The following TMEM178B variants were observed in gnomAD, a reference collection of about 807,000 sequenced individuals.
TMEM178B encodes transmembrane protein 178B.
A neutral mutation model predicts 31.0 loss-of-function variants in TMEM178B; 5 were observed. The ratio of observed to expected loss-of-function variants is 0.16; its 90% CI spans 0.08 to 0.34. The LOEUF is 0.34. Among genes scored for constraint, TMEM178B ranks in the 10% least tolerant of loss-of-function variants. TMEM178B has a pLI of 1.00. For missense variants in TMEM178B, 275 were observed against 400.3 expected (o/e 0.69, Z 2.67); for synonymous variants, 164 against 164.0 (o/e 1.00, Z 0.00).
At chr7:141,216,423 CTGTG>C (rs575369422) in intron 2 of TMEM178B, among the ~76,000 whole-genome samples, 51 of 89,416 alleles carry the variant, frequency 5.7e-4, no homozygotes, top group Middle Eastern at 0.016. Flanking sequence ...AGGATGAAGC[CTGTG>C]TGTGTGTGTG....
intron 1 of TMEM178B, among the ~76,000 whole-genome samples, chr7:141,122,329 C>G (rs1456062316): frequency 6.6e-6 from 1 of 152,160 alleles, no homozygotes; most frequent in Non-Finnish European, 1.5e-5. Flanking sequence ...TAGGCCAGTT[C>G]TGTCTAATGC....
chr7:141,367,895 C>A (rs192668066), intron 2 of TMEM178B, among the ~76,000 whole-genome samples: 64 of 152,094 alleles, frequency 4.2e-4, no homozygotes, highest in Non-Finnish European at 8.5e-4. Context: ...TAGAGCAGGT[C>A]GACCTTGGAG....
At chr7:141,464,274 A>G (rs1802112550) in intron 3 of TMEM178B, among the ~76,000 whole-genome samples, 1 of 151,972 alleles carries the variant, frequency 6.6e-6, no homozygotes, top group African/African-American at 2.4e-5. Context: ...CCGACCTAGC[A>G]TTGTCATCTG....
intron 2 of TMEM178B, among the ~76,000 whole-genome samples, chr7:141,246,991 T>G (rs1797741504): frequency 2.6e-5 from 4 of 152,172 alleles, no homozygotes; most frequent in Admixed American, 1.3e-4. Flanking sequence ...GCAGCTAGAA[T>G]GTGAGCACCA....
chr7:141,153,185 C>A (rs1438216773), intron 1 of TMEM178B, among the ~76,000 whole-genome samples: 1 of 152,120 alleles, frequency 6.6e-6, no homozygotes, highest in Non-Finnish European at 1.5e-5. Context: ...TCCATGTACC[C>A]ACATGTGTAT....
chr7:141,114,778 T>G (rs188378199), intron 1 of TMEM178B, among the ~76,000 whole-genome samples: 1 of 152,226 alleles, frequency 6.6e-6, no homozygotes, highest in Non-Finnish European at 1.5e-5. Context: ...CAGACTCTGC[T>G]TAAGCGGGGA....
intron 2 of TMEM178B, among the ~76,000 whole-genome samples, chr7:141,304,080 G>A (rs539118216): frequency 6.6e-6 from 1 of 152,278 alleles, no homozygotes; most frequent in Non-Finnish European, 1.5e-5. Flanking sequence ...CTCAGGGGCT[G>A]ATGTTTATTG....
intron 3 of TMEM178B, among the ~76,000 whole-genome samples, chr7:141,450,679 C>T (rs890229389): frequency 2.6e-5 from 4 of 152,072 alleles, no homozygotes; most frequent in Non-Finnish European, 5.9e-5. Flanking sequence ...ACCTGAAAAC[C>T]CCCATAGGAG....
chr7:141,300,987 C>T (rs1798713868), intron 2 of TMEM178B, among the ~76,000 whole-genome samples: 1 of 152,230 alleles, frequency 6.6e-6, no homozygotes, highest in African/African-American at 2.4e-5. Flanking sequence ...TCCCCCACAT[C>T]TCTCTTTGGC....
intron 2 of TMEM178B, among the ~76,000 whole-genome samples, chr7:141,287,347 CTCAT>C (rs1798463002): frequency 6.6e-6 from 1 of 152,144 alleles, no homozygotes; most frequent in South Asian, 2.1e-4. Context: ...TTTTATGTCT[CTCAT>C]ATCCTTTGTT....
chr7:141,263,077 A>T lies in TMEM178B; in HGVS notation c.496+50373A>T, dbSNP rs185008022. 2.6e-3 allele frequency among the ~76,000 whole-genome samples: 397 copies of T among 152,218 alleles called. 3 individuals are homozygous for T. The highest frequency in any genetic ancestry group is 9.2e-3 in the African/African-American group (380 of 41,512). On this transcript the variant is annotated intron_variant, in intron 2 of 3. Coordinates refer to ENST00000565468, the MANE Select transcript of TMEM178B (RefSeq NM_001195278.2). Reference sequence around the variant, plus strand: ...GAATGTACCTCCTTGCTTCCCAGTTATCTGGACACTAAACCACTGCAGATA... The same window carrying T: ...GAATGTACCTCCTTGCTTCCCAGTTTTCTGGACACTAAACCACTGCAGATA...
At chr7:141,101,607 A>T (rs1248931265) in intron 1 of TMEM178B, among the ~76,000 whole-genome samples, 1 of 152,242 alleles carries the variant, frequency 6.6e-6, no homozygotes, top group Non-Finnish European at 1.5e-5. Context: ...GCTTCCCTCT[A>T]TTTTGTGTGG....
chr7:141,468,773 G>T (rs1586981179), intron 3 of TMEM178B, among the ~76,000 whole-genome samples: 1 of 152,264 alleles, frequency 6.6e-6, no homozygotes, highest in Non-Finnish European at 1.5e-5. Context: ...AGAGAAAGGA[G>T]AATAGCTCTC....
At chr7:141,316,442 G>A (rs1280619017) in intron 2 of TMEM178B, among the ~76,000 whole-genome samples, 1 of 152,122 alleles carries the variant, frequency 6.6e-6, no homozygotes, top group Non-Finnish European at 1.5e-5. Flanking sequence ...CTAGGCAAAC[G>A]AATTCTAAGT....
chr7:141,160,158 G>A (rs924881685), intron 1 of TMEM178B, among the ~76,000 whole-genome samples: 12 of 151,658 alleles, frequency 7.9e-5, no homozygotes, highest in African/African-American at 2.4e-4. Flanking sequence ...CCCATCACCC[G>A]AGCAGTGTAC....
intron 3 of TMEM178B, among the ~76,000 whole-genome samples, chr7:141,446,113 T>C (rs915225995): frequency 4.6e-5 from 7 of 152,220 alleles, no homozygotes. Context: ...CATCCGGGTT[T>C]ACCTAATGTA....
chr7:141,502,368 A>G, the TMEM178B span, among the ~76,000 whole-genome samples: 9 of 152,026 alleles, frequency 5.9e-5, no homozygotes, highest in Non-Finnish European at 1.2e-4. Context: ...GAGGTTTCCA[A>G]TAATTATGAA....
chr7:141,329,755 T>C (rs1164365003), intron 2 of TMEM178B, among the ~76,000 whole-genome samples: 1 of 152,186 alleles, frequency 6.6e-6, no homozygotes, highest in Non-Finnish European at 1.5e-5. Flanking sequence ...TTCTGCCCTG[T>C]TAATTAAACA....
At chr7:141,411,364 T>G (rs1800986313) in intron 2 of TMEM178B, among the ~76,000 whole-genome samples, 1 of 152,132 alleles carries the variant, frequency 6.6e-6, no homozygotes, top group Non-Finnish European at 1.5e-5. Flanking sequence ...TGCGCAACAG[T>G]ATGAATGTGT....
Sources: allele counts gnomAD v4.1 joint callset (sites outside exome capture counted in the v4.1 genomes callset), GRCh38; gene constraint gnomAD v4.1.1; transcripts MANE v1.5; gene names NCBI Gene and HGNC (gene_info 2026-07-23, HGNC 2026-07-21).